Variants in SVIL observed in about 807,000 individuals in gnomAD.
The protein encoded by SVIL is archvillin.
SVIL carries 101 observed loss-of-function variants against 240.4 expected under a neutral mutation model. The observed-to-expected ratio is 0.42, with a 90% CI of 0.36 to 0.50. The LOEUF (loss-of-function observed/expected upper bound fraction) is 0.50. Among genes scored for constraint, SVIL ranks in the 20% least tolerant of loss-of-function variants. The probability of loss-of-function intolerance (pLI) is 0.01; values close to 1 mark genes in which losing one functional copy is unlikely to be tolerated. For synonymous variants in SVIL, 999 were observed against 1,100.0 expected, an observed-to-expected ratio of 0.91 and a Z score of 1.82; for missense variants, 2,512 against 2,818.7, an observed-to-expected ratio of 0.89 and a Z score of 2.46.
chr10:29,505,292 C>T (rs1949188384), intron 17 of SVIL, among the ~76,000 whole-genome samples: 1 of 152,092 alleles, frequency 6.6e-6, no homozygotes, highest in South Asian at 2.1e-4. Context: ...CACCACTGCA[C>T]TCCAGCCTGG....
intron 1 of SVIL, among the ~76,000 whole-genome samples, chr10:29,704,946 T>C (rs1962785085): frequency 1.3e-5 from 2 of 152,224 alleles, no homozygotes. Flanking sequence ...TACTTCTCGC[T>C]TATGTAACAG....
At chr10:29,506,723 C>T (rs1428635485) in intron 17 of SVIL, among the ~76,000 whole-genome samples, 4 of 144,438 alleles carry the variant, frequency 2.8e-5, no homozygotes, top group African/African-American at 1.0e-4. Context: ...GATAGAGACT[C>T]TACGAAGGAG....
chr10:29,539,058 A>T (rs947573201), intron 6 of SVIL, among the ~76,000 whole-genome samples: 1 of 152,016 alleles, frequency 6.6e-6, no homozygotes, highest in Non-Finnish European at 1.5e-5. Context: ...CTAGCTACTC[A>T]GGAGGCTGAG....
intron 1 of SVIL, among the ~76,000 whole-genome samples, chr10:29,693,152 C>T (rs577754710): frequency 6.6e-6 from 1 of 152,294 alleles, no homozygotes; most frequent in East Asian, 1.9e-4. Context: ...GAACTGTCTT[C>T]ATCCTCATTT....
At position 29,523,634 on chromosome 10, in the gene SVIL, C is replaced by T; in HGVS notation, c.2980G>A (p.Ala994Thr). The change falls in exon 15 of 38, where the codon GCT becomes ACT. Residue 994 changes from alanine to threonine, a missense_variant. By Grantham distance (58) the Ala-to-Thr change is moderately conservative. Around this residue, in one of 3 missense-constraint regions of SVIL, gnomAD observed 1,443 missense variants for 1,486.6 expected, o/e 0.97. Coordinates refer to ENST00000355867, the MANE Select transcript of SVIL (RefSeq NM_021738.3). ...TCCAGGCTTCCTCTTCTGGGAACAG[C>T]ATATTTAGATTCCTTATGGCTGTCT... The part of the protein sequence containing the change: ...EGDSHKESKY[A>T]VPRRGSLERA... The T allele has an allele frequency of 2.5e-6, 4 of 1,614,164 alleles. No homozygotes were observed. Among genetic ancestry groups the T allele is most frequent in the Non-Finnish European group, 3.4e-6 (4 of 1,180,024 alleles).
intron 1 of SVIL, among the ~76,000 whole-genome samples, chr10:29,693,628 G>A (rs372730784): frequency 5.8e-4 from 88 of 152,210 alleles, no homozygotes; most frequent in African/African-American, 2.0e-3. Context: ...GAGCCAAGCC[G>A]CTGTGTGCAT....
At chr10:29,673,431 C>T (rs1959941582) in intron 2 of SVIL, among the ~76,000 whole-genome samples, 1 of 151,476 alleles carries the variant, frequency 6.6e-6, no homozygotes, top group Admixed American at 6.6e-5. Context: ...TTTTACATTG[C>T]TATAAAGAAC....
intron 1 of SVIL, among the ~76,000 whole-genome samples, chr10:29,696,015 T>G (rs915186898): frequency 1.3e-5 from 2 of 150,398 alleles, no homozygotes; most frequent in East Asian, 2.0e-4. Context: ...AAAGCTGGAC[T>G]GTACTGCTGC....
At chr10:29,536,440 G>T (rs1951747209) in intron 6 of SVIL, among the ~76,000 whole-genome samples, 1 of 151,962 alleles carries the variant, frequency 6.6e-6, no homozygotes, top group Non-Finnish European at 1.5e-5. Context: ...ATATTATAGG[G>T]AAAAAAAGAA....
rs1332312920 is a variant in SVIL at position 29,458,478 on chromosome 10, C to T, written c.6514G>A (p.Asp2172Asn). Residue 2172 changes from aspartate (D) to asparagine (N), a missense_variant, in exon 37 of 38, where the codon GAT becomes AAT. By Grantham distance (23) the Asp-to-Asn change is conservative. This residue lies in a region of SVIL where 797 missense variants were observed against 925.3 expected (regional missense o/e 0.86). Coordinates refer to ENST00000355867, the MANE Select transcript of SVIL (RefSeq NM_021738.3). ...LLARPLPEGV[D>N]PLKLEIYLTD... ...AGATAGATCTCAAGCTTCAGAGGATCGACCCCCTCCGGGAGTGGCCTGGCC... is the reference window on the plus strand; with the variant it reads ...AGATAGATCTCAAGCTTCAGAGGATTGACCCCCTCCGGGAGTGGCCTGGCC... The T allele has an allele frequency of 3.2e-6, 5 of 1,580,562 alleles. No individual in the cohort carries two copies. The highest frequency in any genetic ancestry group is 1.2e-5 in the South Asian group (1 of 85,120).
chr10:29,515,923 G>A (rs1016887158), intron 16 of SVIL, among the ~76,000 whole-genome samples: 10 of 152,022 alleles, frequency 6.6e-5, no homozygotes, highest in East Asian at 1.9e-4. Flanking sequence ...TGATCTGCAC[G>A]GCGACCCCTA....
At chr10:29,490,015 C>T (rs1386722422) in intron 22 of SVIL, among the ~76,000 whole-genome samples, 2 of 152,154 alleles carry the variant, frequency 1.3e-5, no homozygotes, top group Non-Finnish European at 2.9e-5. Context: ...GCTATCACCT[C>T]AAACCAAGAA....
chr10:29,566,593 A>G (rs1228302824), intron 2 of SVIL, among the ~76,000 whole-genome samples: 1 of 152,212 alleles, frequency 6.6e-6, no homozygotes, highest in Non-Finnish European at 1.5e-5. Flanking sequence ...GAGGGCACCG[A>G]TCATCAATGA....
chr10:29,721,906 A>G (rs904827942), intron 1 of SVIL, among the ~76,000 whole-genome samples: 6 of 152,172 alleles, frequency 3.9e-5, no homozygotes, highest in South Asian at 4.1e-4. Context: ...GCTAACCAGG[A>G]GTTAGAGAAG....
chr10:29,714,948 TAA>T (rs61107910), intron 1 of SVIL, among the ~76,000 whole-genome samples: 28 of 78,448 alleles, frequency 3.6e-4, no homozygotes, highest in Non-Finnish European at 6.0e-4. Flanking sequence ...TGTCTGAAAT[TAA>T]AAAAAAAAAA....
chr10:29,631,617 A>G (rs1299686531), intron 1 of SVIL, among the ~76,000 whole-genome samples: 1 of 151,922 alleles, frequency 6.6e-6, no homozygotes, highest in Non-Finnish European at 1.5e-5. Context: ...TTTACTAAAT[A>G]TACAAGAATT....
At chr10:29,676,831 C>T (rs989467032) in intron 2 of SVIL, among the ~76,000 whole-genome samples, 1 of 152,184 alleles carries the variant, frequency 6.6e-6, no homozygotes, top group African/African-American at 2.4e-5. Flanking sequence ...GTCGATTTTC[C>T]ACCCCTCTTT....
intron 1 of SVIL, among the ~76,000 whole-genome samples, chr10:29,700,008 A>C (rs573832047): frequency 9.2e-5 from 14 of 152,360 alleles, no homozygotes; most frequent in Non-Finnish European, 1.9e-4. Context: ...CAAACTCAGG[A>C]CAGAATTGGT....
At position 29,634,810 on chromosome 10, in the gene SVIL, C is replaced by T. The variant is rs886856521; in HGVS notation, c.-591G>A. On this transcript the variant is annotated 5_prime_UTR_variant, in exon 1 of 38. An upstream open reading frame in the 5' UTR gains an earlier in-frame stop. Coordinates refer to ENST00000355867, the MANE Select transcript of SVIL (RefSeq NM_021738.3). ...AAAAGTTCCTCTCCAAAAAGAACGC[C>T]AAAATATTAATAAAAAGAGTCTTCT... 2 of 152,032 alleles carry T rather than the reference C, an allele frequency of 1.3e-5. No homozygotes were observed. Among genetic ancestry groups the T allele is most frequent in the African/African-American group, 4.8e-5 (2 of 41,384 alleles). 9.4% of individuals were successfully genotyped at this position (152,032 alleles called of 1,614,324 possible). A position where few individuals can be genotyped will look rare whatever the true frequency, so the allele number is the denominator to read the frequency against.
Sources: gnomAD v4.1 joint callset for allele counts (sites outside exome capture counted in the v4.1 genomes callset) on GRCh38, gnomAD v4.1.1 for gene constraint, gnomAD v4.1.1 regional missense constraint, MANE v1.5 for transcripts, NCBI Gene and HGNC (gene_info 2026-07-23, HGNC 2026-07-21) for gene names.